Variants in MYO3A observed in about 807,000 individuals in gnomAD.
The protein encoded by MYO3A is myosin-IIIa.
Under a neutral mutation model 192.7 loss-of-function variants are expected in MYO3A, and 180 were observed. The ratio of observed to expected loss-of-function variants is 0.93; its 90% CI spans 0.83 to 1.06. The LOEUF (loss-of-function observed/expected upper bound fraction) is 1.06, where lower values mean the gene tolerates loss of function less well. Among genes scored for constraint, MYO3A ranks in the 50% least tolerant of loss-of-function variants. The pLI, the probability that MYO3A is intolerant of heterozygous loss-of-function variation, is 0.00. For synonymous variants in MYO3A, 628 were observed against 645.3 expected, an observed-to-expected ratio of 0.97 and a Z score of 0.41; for missense variants, 1,896 against 1,905.0, an observed-to-expected ratio of 1.00 and a Z score of 0.09.
At position 26,175,944 on chromosome 10, in the gene MYO3A, C is replaced by CG. The variant is rs145991384; in HGVS notation, c.4294-751dup. 5.8e-3 allele frequency among the ~76,000 whole-genome samples: 875 copies of CG among 152,112 alleles called. 15 individuals carry two copies. Among genetic ancestry groups the CG allele is most frequent in the African/African-American group, 0.02 (842 of 41,478 alleles). ...AGCCAGGATGCGGACACGATAGAGG[C>CG]GGGGGGCAGAATGGAAAGAGAAACC... On this transcript the variant is annotated intron_variant, in intron 30 of 34. Transcript: ENST00000642920.
chr10:26,184,353 G>T (rs559888717), intron 31 of MYO3A, among the ~76,000 whole-genome samples: 1 of 152,256 alleles, frequency 6.6e-6, no homozygotes, highest in East Asian at 1.9e-4. Flanking sequence ...TTGCTTGAAG[G>T]TCATAGACTC....
At chr10:25,962,811 G>C (rs1473320833) in intron 4 of MYO3A, among the ~76,000 whole-genome samples, 2 of 152,124 alleles carry the variant, frequency 1.3e-5, no homozygotes, top group Non-Finnish European at 2.9e-5. Flanking sequence ...AGTTAAATCA[G>C]TCTCATATAA....
At chr10:26,167,923 G>A (rs1253560900) in intron 27 of MYO3A, among the ~76,000 whole-genome samples, 1 of 152,144 alleles carries the variant, frequency 6.6e-6, no homozygotes, top group Non-Finnish European at 1.5e-5. Flanking sequence ...TTTGAGATGA[G>A]TTTTATTAGG....
chr10:26,070,438 T>G, intron 14 of MYO3A, 37 bp downstream of exon 14: 1 of 1,535,352 alleles, frequency 6.5e-7, no homozygotes. Context: ...ATCAGAAATA[T>G]TTGTTGAATT....
chr10:25,963,909 G>A (rs190712541), intron 4 of MYO3A, among the ~76,000 whole-genome samples: 6 of 152,060 alleles, frequency 3.9e-5, no homozygotes, highest in East Asian at 3.9e-4. Context: ...CTTCAGTGCC[G>A]GAAAAAGCAT....
chr10:26,028,303 C>T (rs186377002), intron 10 of MYO3A, among the ~76,000 whole-genome samples: 78 of 152,284 alleles, frequency 5.1e-4, no homozygotes, highest in African/African-American at 1.9e-3. Context: ...GATCTTAAAG[C>T]CCAAGCTTTA....
chr10:26,048,071 G>A (rs1843734548), intron 10 of MYO3A, among the ~76,000 whole-genome samples: 1 of 152,120 alleles, frequency 6.6e-6, no homozygotes, highest in African/African-American at 2.4e-5. Context: ...TATAACTTTA[G>A]CAATGACAGA....
intron 2 of MYO3A, among the ~76,000 whole-genome samples, chr10:25,943,262 C>T (rs914468300): frequency 6.6e-6 from 1 of 151,878 alleles, no homozygotes; most frequent in Non-Finnish European, 1.5e-5. Context: ...TCTATGTGTA[C>T]CAGTACCACA....
intron 4 of MYO3A, among the ~76,000 whole-genome samples, chr10:25,956,319 A>G (rs1467220403): frequency 2.0e-5 from 3 of 150,890 alleles, no homozygotes; most frequent in Non-Finnish European, 4.4e-5. Context: ...CTTTATATTC[A>G]TATTTTTCTA....
intron 2 of MYO3A, among the ~76,000 whole-genome samples, chr10:25,946,437 A>T (rs74582244): frequency 0.064 from 9,651 of 151,346 alleles, 399 homozygotes; most frequent in Non-Finnish European, 0.094. Context: ...AGCTTGCAAG[A>T]TTTCTGCTGG....
At chr10:26,073,942 A>G (rs1835372541) in intron 14 of MYO3A, among the ~76,000 whole-genome samples, 1 of 152,196 alleles carries the variant, frequency 6.6e-6, no homozygotes, top group Non-Finnish European at 1.5e-5. Context: ...TCAGAGCTGT[A>G]CAGTATAAAG....
chr10:26,052,876 A>T (rs1358762346), intron 10 of MYO3A, among the ~76,000 whole-genome samples: 1 of 152,176 alleles, frequency 6.6e-6, no homozygotes, highest in African/African-American at 2.4e-5. Context: ...AAGCTATATT[A>T]ACCACCCCTA....
intron 2 of MYO3A, among the ~76,000 whole-genome samples, chr10:25,946,708 T>C (rs1836855313): frequency 1.3e-5 from 2 of 151,354 alleles, no homozygotes; most frequent in Non-Finnish European, 3.0e-5. Context: ...TGAAACCCCA[T>C]CTCTACTAAA....
At chr10:26,067,623 G>A (rs899541858) in intron 11 of MYO3A, among the ~76,000 whole-genome samples, 38 of 151,986 alleles carry the variant, frequency 2.5e-4, no homozygotes, top group Admixed American at 2.3e-3. Context: ...CTTATCTTTC[G>A]GGGGTATTGA....
chr10:26,096,749 T>C (rs1332098731), intron 17 of MYO3A, 67 bp downstream of exon 17: 2 of 1,104,980 alleles, frequency 1.8e-6, no homozygotes, highest in Non-Finnish European at 2.8e-6. Context: ...GTTAAGAGCA[T>C]TTATTGAGTG....
intron 10 of MYO3A, among the ~76,000 whole-genome samples, chr10:26,040,230 T>G (rs1018548607): frequency 1.3e-5 from 2 of 152,000 alleles, no homozygotes; most frequent in African/African-American, 4.8e-5. Flanking sequence ...CATAAACATG[T>G]TTTTTGAGAC....
At chr10:26,001,310 T>C (rs1387940250) in intron 6 of MYO3A, among the ~76,000 whole-genome samples, 3 of 152,176 alleles carry the variant, frequency 2.0e-5, no homozygotes, top group African/African-American at 7.2e-5. Flanking sequence ...TTAGCTTTAG[T>C]TTTCCAGAAA....
At chr10:26,000,066 C>G (rs1053451342) in intron 6 of MYO3A, among the ~76,000 whole-genome samples, 3 of 152,114 alleles carry the variant, frequency 2.0e-5, no homozygotes, top group African/African-American at 4.8e-5. Context: ...GGGATCCTTT[C>G]AAAAAACACA....
chr10:26,202,209 C>G (rs1451490051), intron 33 of MYO3A, among the ~76,000 whole-genome samples: 4 of 152,190 alleles, frequency 2.6e-5, no homozygotes, highest in Non-Finnish European at 5.9e-5. Flanking sequence ...TTCTATTAAG[C>G]ATGAGTGAAC....
Sources: allele counts gnomAD v4.1 joint callset (sites outside exome capture counted in the v4.1 genomes callset), GRCh38; gene constraint gnomAD v4.1.1; transcripts MANE v1.5; gene names NCBI Gene and HGNC (gene_info 2026-07-23, HGNC 2026-07-21).